The following ARID4B variants were observed in gnomAD, a reference collection of about 807,000 sequenced individuals.
ARID4B encodes AT-rich interactive domain-containing protein 4B.
Under a neutral mutation model 147.5 loss-of-function variants are expected in ARID4B, and 26 were observed. The ratio of observed to expected loss-of-function variants is 0.18; its 90% CI spans 0.13 to 0.24. The LOEUF (loss-of-function observed/expected upper bound fraction) is 0.24. Ranked by LOEUF, ARID4B falls within the 10% of genes least tolerant of loss-of-function variation. The pLI is 1.00. For synonymous variants in ARID4B, 512 were observed against 507.9 expected (o/e 1.01, Z -0.11); for missense variants, 1,179 against 1,511.5 (o/e 0.78, Z 3.65).
intron 2 of ARID4B, among the ~76,000 whole-genome samples, chr1:235,306,884 A>T (rs1048688360): frequency 3.3e-5 from 5 of 152,034 alleles, no homozygotes; most frequent in African/African-American, 4.8e-5. Context: ...TCTCAAACTC[A>T]AAGTAAACTT....
chr1:235,194,290 A>G, intron 18 of ARID4B, 79 bp from the exon 19 acceptor site: 6 of 1,015,262 alleles, frequency 5.9e-6, no homozygotes, highest in Non-Finnish European at 8.8e-6. Flanking sequence ...CTTTTAACTC[A>G]CTATTACAGA....
At chr1:235,195,486 G>A (rs866257318) in intron 18 of ARID4B, among the ~76,000 whole-genome samples, 7 of 152,028 alleles carry the variant, frequency 4.6e-5, no homozygotes, top group African/African-American at 9.6e-5. Context: ...CCAGCTACTC[G>A]GGAGGCTGAG....
At chr1:235,250,039 G>T (rs915314802) in intron 6 of ARID4B, among the ~76,000 whole-genome samples, 1 of 150,556 alleles carries the variant, frequency 6.6e-6, no homozygotes, top group African/African-American at 2.4e-5. Flanking sequence ...CCTGGGAGGC[G>T]GAGCTTGCAG....
chr1:235,288,994 A>C (rs1288877355), intron 2 of ARID4B, among the ~76,000 whole-genome samples: 6 of 152,238 alleles, frequency 3.9e-5, no homozygotes, highest in African/African-American at 1.4e-4. Context: ...ACAGTCTTGA[A>C]AGATCCATTT....
At chr1:235,304,044 G>A (rs1335087715) in intron 2 of ARID4B, among the ~76,000 whole-genome samples, 1 of 152,102 alleles carries the variant, frequency 6.6e-6, no homozygotes. Flanking sequence ...CTCATATACT[G>A]AAAATAAAAC....
At chr1:235,325,984 T>C (rs957793071) in intron 2 of ARID4B, among the ~76,000 whole-genome samples, 8 of 152,322 alleles carry the variant, frequency 5.3e-5, no homozygotes, top group Admixed American at 2.6e-4. Context: ...GTAGACAACG[T>C]TGATATTCTA....
At chr1:235,233,412 G>C (rs1302607811) in intron 9 of ARID4B, among the ~76,000 whole-genome samples, 1 of 152,052 alleles carries the variant, frequency 6.6e-6, no homozygotes, top group Non-Finnish European at 1.5e-5. Flanking sequence ...CAGCCTGGGT[G>C]AAAGAGTGAG....
chr1:235,255,267 A>AGATAGATAGATC lies in ARID4B; in HGVS notation c.274+392_274+393insGATCTATCTATC, dbSNP rs1553304359. On this transcript the variant is annotated intron_variant, in intron 5 of 23. Transcript: ENST00000264183. ...GATAGATAGATAGATAGATAGATAT[A>AGATAGATAGATC]TATCTCTCTCTCTCTCTCTCTATAT... Among the ~76,000 whole-genome samples, 15 of 137,152 alleles carry AGATAGATAGATC rather than the reference A, an allele frequency of 1.1e-4. 1 individual carries two copies. Among genetic ancestry groups the AGATAGATAGATC allele is most frequent in the East Asian group, 2.1e-4 (1 of 4,780 alleles). 90.0% of individuals were successfully genotyped at this position (137,152 alleles called of 152,430 possible). A position where few individuals can be genotyped will look rare whatever the true frequency, so the allele number is the denominator to read the frequency against.
At chr1:235,278,162 T>C (rs1054138595) in intron 2 of ARID4B, among the ~76,000 whole-genome samples, 4 of 152,202 alleles carry the variant, frequency 2.6e-5, no homozygotes, top group Admixed American at 6.5e-5. Flanking sequence ...ACAGACTCAA[T>C]TTCAAAGCAT....
chr1:235,232,720 G>A (rs1380010196), intron 9 of ARID4B, among the ~76,000 whole-genome samples: 4 of 151,994 alleles, frequency 2.6e-5, no homozygotes, highest in Non-Finnish European at 4.4e-5. Flanking sequence ...TTTTACTAAC[G>A]TTTTCCCATT....
Position 235,181,575 on chromosome 1 carries a change from T to C in ARID4B, c.3334+10A>G, listed in dbSNP as rs780153754. The stretch of plus-strand genomic sequence containing the variant: ...CTAAAATAAGTCAACATACACATTT[T>C]CCTTCTCACCTTTTTCAGGATGTTC... On this transcript the variant is annotated intron_variant, in intron 20 of 23. Transcript: ENST00000264183. 2 of 1,608,774 alleles carry C rather than the reference T, an allele frequency of 1.2e-6. No homozygotes were observed. The highest frequency in any genetic ancestry group is 1.7e-6 in the Non-Finnish European group (2 of 1,179,036).
intron 2 of ARID4B, among the ~76,000 whole-genome samples, chr1:235,275,418 CT>C (rs1268057370): frequency 6.6e-6 from 1 of 152,158 alleles, no homozygotes; most frequent in Non-Finnish European, 1.5e-5. Context: ...GAAAACCAGT[CT>C]GCTGAGAGGA....
Position 235,175,331 on chromosome 1 carries a change from C to T in ARID4B, c.3517G>A (p.Val1173Ile). Reference protein sequence around the residue: ...SITKSQPVKSVSTGMKSHSTK... With the variant: ...SITKSQPVKSISTGMKSHSTK... Reference sequence around the variant, plus strand: ...CTATGAGACTTCATTCCAGTGGAAACTGATTTGACTGGCTGACTCTTAGTT... The same window carrying T: ...CTATGAGACTTCATTCCAGTGGAAATTGATTTGACTGGCTGACTCTTAGTT... The change falls in exon 22 of 24, where the codon GTT (valine) becomes ATT (isoleucine). Residue 1173 changes from valine (V) to isoleucine (I), a missense_variant. By Grantham distance (29) the Val-to-Ile change is conservative (BLOSUM62 3). Coordinates refer to ENST00000264183, the MANE Select transcript of ARID4B (RefSeq NM_016374.6). The T allele has an allele frequency of 1.2e-6, 2 of 1,614,140 alleles. No homozygotes were observed. The highest frequency in any genetic ancestry group is 1.7e-6 in the Non-Finnish European group (2 of 1,180,020).
chr1:235,267,546 A>G (rs899569372), intron 2 of ARID4B, among the ~76,000 whole-genome samples: 24 of 152,126 alleles, frequency 1.6e-4, no homozygotes, highest in Admixed American at 1.5e-3. Context: ...AATGAAGAAA[A>G]CCATGGCCAG....
In ARID4B at chr1:235,171,943, C is replaced by T. The variant is rs563966347; in HGVS notation, c.3811+675G>A. The stretch of plus-strand genomic sequence containing the variant: ...AGGCATGAGCCACTGTGCCCGGCCT[C>T]CTCCCAGATTTTAATTTATCTCACT... On this transcript the variant is annotated intron_variant, in intron 23 of 23. Transcript: ENST00000264183. Among the ~76,000 whole-genome samples, 128 of 152,136 alleles carry T rather than the reference C, an allele frequency of 8.4e-4. 1 individual carries two copies. The South Asian group carries it at 0.014, about 17-fold the overall frequency.
intron 17 of ARID4B, among the ~76,000 whole-genome samples, chr1:235,197,449 A>C (rs1378003514): frequency 2.0e-5 from 3 of 152,184 alleles, no homozygotes; most frequent in Non-Finnish European, 2.9e-5. Flanking sequence ...CTGGGCAGTT[A>C]CTCTGCTGGT....
intron 17 of ARID4B, 144 bp downstream of exon 17, chr1:235,213,625 T>TAC: frequency 2.3e-6 from 2 of 852,778 alleles, no homozygotes; most frequent in South Asian, 4.2e-5. Flanking sequence ...GTGAGGTATT[T>TAC]ACATGCTAAA....
chr1:235,302,085 C>T (rs1300517963), intron 2 of ARID4B, among the ~76,000 whole-genome samples: 3 of 140,082 alleles, frequency 2.1e-5, no homozygotes, highest in East Asian at 4.5e-4. Flanking sequence ...CCACCCACCT[C>T]GGCTTCCCAA....
chr1:235,205,763 T>A (rs12058385), intron 17 of ARID4B, among the ~76,000 whole-genome samples: 1 of 152,048 alleles, frequency 6.6e-6, no homozygotes, highest in Non-Finnish European at 1.5e-5. Flanking sequence ...AATAAGTACA[T>A]GAAAAAATGT....
Sources: gnomAD v4.1 joint callset for allele counts (sites outside exome capture counted in the v4.1 genomes callset) on GRCh38, gnomAD v4.1.1 for gene constraint, MANE v1.5 for transcripts, NCBI Gene and HGNC (gene_info 2026-07-23, HGNC 2026-07-21) for gene names.